Variants in SLC39A11 observed in about 807,000 individuals in gnomAD.
SLC39A11 encodes zinc transporter ZIP11.
SLC39A11 carries 33 observed loss-of-function variants against 36.1 expected under a neutral mutation model. The ratio of observed to expected loss-of-function variants is 0.91; its 90% CI spans 0.69 to 1.22. The LOEUF is 1.22. SLC39A11 is among the 50% of genes most tolerant of loss of function. The probability of loss-of-function intolerance (pLI) is 0.00; values close to 1 mark genes in which losing one functional copy is unlikely to be tolerated. For missense variants in SLC39A11, 432 were observed against 430.3 expected, an observed-to-expected ratio of 1.00 and a Z score of -0.03; for synonymous variants, 166 against 170.3, an observed-to-expected ratio of 0.97 and a Z score of 0.20.
intron 4 of SLC39A11, among the ~76,000 whole-genome samples, chr17:73,000,382 C>T (rs575754298): frequency 1.3e-5 from 2 of 152,120 alleles, no homozygotes; most frequent in East Asian, 3.9e-4. Context: ...CCTCCTCTCT[C>T]TCTCTCTGAT....
At chr17:72,736,760 T>C in intron 6 of SLC39A11, 41 bp from the exon 7 acceptor site, 10 of 1,505,250 alleles carry the variant, frequency 6.6e-6, no homozygotes, top group Non-Finnish European at 9.2e-6. Context: ...TTAGGAATAT[T>C]TCCCCATAAG....
chr17:72,899,229 C>A (rs919277080), intron 5 of SLC39A11, among the ~76,000 whole-genome samples: 1 of 151,958 alleles, frequency 6.6e-6, no homozygotes, highest in Non-Finnish European at 1.5e-5. Context: ...CACCCCAAGC[C>A]CCTGCTGTAC....
intron 3 of SLC39A11, among the ~76,000 whole-genome samples, chr17:73,078,818 T>C (rs1415002516): frequency 6.6e-6 from 1 of 152,048 alleles, no homozygotes; most frequent in Non-Finnish European, 1.5e-5. Flanking sequence ...GTCTTTTAAG[T>C]GAATCCAGTA....
At chr17:73,078,120 C>A (rs1335320585) in intron 3 of SLC39A11, among the ~76,000 whole-genome samples, 1 of 151,938 alleles carries the variant, frequency 6.6e-6, no homozygotes, top group Non-Finnish European at 1.5e-5. Context: ...CACCTGTAGT[C>A]CCAGCTACTC....
intron 4 of SLC39A11, among the ~76,000 whole-genome samples, chr17:73,012,842 A>T (rs142540221): frequency 4.9e-4 from 74 of 152,224 alleles, no homozygotes; most frequent in African/African-American, 1.7e-3. Flanking sequence ...TCTGTCACCC[A>T]GGCTGGAGGG....
At chr17:72,866,246 T>C (rs1406201782) in intron 5 of SLC39A11, among the ~76,000 whole-genome samples, 1 of 152,208 alleles carries the variant, frequency 6.6e-6, no homozygotes, top group Non-Finnish European at 1.5e-5. Flanking sequence ...GTGAGGGATC[T>C]AGGTTGCATG....
At chr17:72,843,136 G>C (rs2078893907) in intron 6 of SLC39A11, among the ~76,000 whole-genome samples, 1 of 152,004 alleles carries the variant, frequency 6.6e-6, no homozygotes, top group Admixed American at 6.6e-5. Flanking sequence ...TTTTAGTAGA[G>C]ACGGGGTGTC....
intron 7 of SLC39A11, among the ~76,000 whole-genome samples, chr17:72,667,887 C>T (rs553440178): frequency 3.5e-4 from 53 of 152,358 alleles, no homozygotes; most frequent in Non-Finnish European, 6.9e-4. Flanking sequence ...AAGTTAAGTA[C>T]TCTCTCCCAA....
chr17:73,026,566 AAAG>A (rs774202496), intron 4 of SLC39A11, among the ~76,000 whole-genome samples: 28 of 151,694 alleles, frequency 1.8e-4, no homozygotes, highest in Non-Finnish European at 3.5e-4. Flanking sequence ...AGACAAAAGA[AAAG>A]AAGAGAAACA....
chr17:72,651,948 T>C (rs189689899), intron 7 of SLC39A11, among the ~76,000 whole-genome samples: 3 of 152,304 alleles, frequency 2.0e-5, no homozygotes, highest in Admixed American at 2.0e-4. Context: ...GTGCTCTCCT[T>C]TGACTCCTTA....
At chr17:72,987,139 G>C (rs1270532217) in intron 4 of SLC39A11, among the ~76,000 whole-genome samples, 1 of 152,152 alleles carries the variant, frequency 6.6e-6, no homozygotes, top group Non-Finnish European at 1.5e-5. Context: ...GAAAGATCCT[G>C]CTAGTTCTTT....
intron 5 of SLC39A11, among the ~76,000 whole-genome samples, chr17:72,885,775 T>C (rs749868322): frequency 5.3e-4 from 80 of 152,200 alleles, no homozygotes; most frequent in Non-Finnish European, 9.8e-4. Flanking sequence ...TGGCCCTCGC[T>C]AGAGCCACCC....
At chr17:72,846,295 G>A (rs1222679933) in intron 6 of SLC39A11, among the ~76,000 whole-genome samples, 1 of 152,128 alleles carries the variant, frequency 6.6e-6, no homozygotes, top group Non-Finnish European at 1.5e-5. Flanking sequence ...TTCCCAAAGT[G>A]CTGGGATTAC....
intron 3 of SLC39A11, among the ~76,000 whole-genome samples, chr17:73,034,669 A>G (rs1398442111): frequency 1.3e-5 from 2 of 152,096 alleles, no homozygotes; most frequent in African/African-American, 4.8e-5. Context: ...CCGATGAAAA[A>G]ACATAACATC....
intron 5 of SLC39A11, among the ~76,000 whole-genome samples, chr17:72,917,479 G>A (rs1466283394): frequency 6.6e-6 from 1 of 152,156 alleles, no homozygotes; most frequent in Non-Finnish European, 1.5e-5. Flanking sequence ...AGCATGTGAG[G>A]GACAAAGAGC....
intron 3 of SLC39A11, among the ~76,000 whole-genome samples, chr17:73,035,127 TTTTTG>T (rs1378714506): frequency 1.3e-5 from 2 of 151,208 alleles, no homozygotes; most frequent in East Asian, 3.9e-4. Context: ...AGCAAAATTC[TTTTTG>T]TTTTTTGTTT....
intron 6 of SLC39A11, among the ~76,000 whole-genome samples, chr17:72,787,064 C>T (rs1458252323): frequency 6.6e-6 from 1 of 151,982 alleles, no homozygotes; most frequent in Non-Finnish European, 1.5e-5. Context: ...AGGTGATCTG[C>T]CCTCCTCAGC....
In SLC39A11 at chr17:73,090,462, T is replaced by G. The variant is rs546561532; in HGVS notation, c.-11-1687A>C. Among the ~76,000 whole-genome samples, 3 of 152,272 alleles carry G rather than the reference T, an allele frequency of 2.0e-5. No homozygotes were observed. The East Asian group carries it at 5.8e-4, about 29-fold the overall frequency. On this transcript the variant is annotated intron_variant, in intron 1 of 9. Transcript: ENST00000255559. ...CATCCGTCATCTTGCTAAGCCACCC[T>G]AAAAAGAGGGGTTGGTCTTTGTTTT...
At position 72,706,351 on chromosome 17, in the gene SLC39A11, G is replaced by T. The variant is rs141032883; in HGVS notation, c.671+30299C>A. Reference sequence around the variant, plus strand: ...CAAGTCACAGTATCCTTGATTTTCTGTCTCATATACTTCTTTAGTTCTCTC... The same window carrying T: ...CAAGTCACAGTATCCTTGATTTTCTTTCTCATATACTTCTTTAGTTCTCTC... On this transcript the variant is annotated intron_variant, in intron 7 of 9. Coordinates refer to ENST00000255559, the MANE Select transcript of SLC39A11 (RefSeq NM_139177.4). Among the ~76,000 whole-genome samples the T allele has an allele frequency of 2.3e-3, 349 of 152,222 alleles. 2 individuals carry two copies. The highest frequency in any genetic ancestry group is 8.1e-3 in the African/African-American group (336 of 41,532).
Sources: allele counts gnomAD v4.1 joint callset (sites outside exome capture counted in the v4.1 genomes callset), GRCh38; gene constraint gnomAD v4.1.1; transcripts MANE v1.5; gene names NCBI Gene and HGNC (gene_info 2026-07-23, HGNC 2026-07-21).